Variants in CXXC4 observed in about 807,000 individuals in gnomAD.
CXXC4 encodes the protein CXXC finger protein 4.
In CXXC4, 5 loss-of-function variants were observed where a neutral mutation model predicts 20.5. The observed-to-expected ratio is 0.24, with a 90% CI of 0.13 to 0.51. CXXC4 has a LOEUF of 0.51. Ranked by LOEUF, CXXC4 falls within the 20% of genes least tolerant of loss-of-function variation. CXXC4 has a pLI of 0.97. For synonymous variants in CXXC4, 250 were observed against 216.4 expected (o/e 1.16, Z -1.36); for missense variants, 419 against 496.4 (o/e 0.84, Z 1.48).
intron 2 of CXXC4, among the ~76,000 whole-genome samples, chr4:104,480,647 G>A (rs1736530055): frequency 6.6e-6 from 1 of 151,770 alleles, no homozygotes; most frequent in Non-Finnish European, 1.5e-5. Context: ...AGTGGTTCTA[G>A]TGGATCTAAA....
At chr4:104,486,023 G>A (rs866819330) in intron 2 of CXXC4, among the ~76,000 whole-genome samples, 12 of 151,708 alleles carry the variant, frequency 7.9e-5, no homozygotes, top group South Asian at 6.2e-4. Flanking sequence ...GCTCTTATAT[G>A]CCTTGTGTTT....
intron 2 of CXXC4, among the ~76,000 whole-genome samples, chr4:104,484,282 A>C (rs1736629124): frequency 6.6e-6 from 1 of 151,998 alleles, no homozygotes; most frequent in Non-Finnish European, 1.5e-5. Flanking sequence ...TAAAGTTCAG[A>C]GAAGTTATGC....
Position 104,472,053 on chromosome 4 carries a change from A to G in CXXC4, c.*269T>C. 3.3e-6 allele frequency: 1 copy of G among 302,916 alleles called. No homozygotes were observed. Among genetic ancestry groups the G allele is most frequent in the Non-Finnish European group, 6.0e-6 (1 of 165,900 alleles). 18.8% of individuals were successfully genotyped at this position (302,916 alleles called of 1,614,324 possible). On this transcript the variant is annotated 3_prime_UTR_variant, in exon 3 of 3. Coordinates refer to ENST00000394767, the MANE Select transcript of CXXC4 (RefSeq NM_025212.4). ...TTTACAGCCACTTTCAAAATAGACA[A>G]CAACTTCACTACTATAGCTAAATTA... is the stretch of plus-strand genomic sequence containing the variant.
chr4:104,483,548 A>T (rs1260509486), intron 2 of CXXC4, among the ~76,000 whole-genome samples: 2 of 151,990 alleles, frequency 1.3e-5, no homozygotes, highest in Non-Finnish European at 2.9e-5. Flanking sequence ...CTTTTTAGGT[A>T]AAAATGCATA....
At chr4:104,476,593 G>T (rs899704797) in intron 2 of CXXC4, among the ~76,000 whole-genome samples, 2 of 152,106 alleles carry the variant, frequency 1.3e-5, no homozygotes, top group Non-Finnish European at 2.9e-5. Context: ...TTTTGATGCT[G>T]AAATTCACCT....
intron 2 of CXXC4, among the ~76,000 whole-genome samples, chr4:104,489,778 C>T (rs1265953173): frequency 6.6e-6 from 1 of 152,114 alleles, no homozygotes; most frequent in South Asian, 2.1e-4. Context: ...CTGTATTTAG[C>T]ATAATTCATA....
intron 2 of CXXC4, among the ~76,000 whole-genome samples, chr4:104,480,875 TTCCTTCCA>T (rs1330166768): frequency 1.8e-3 from 243 of 135,666 alleles, no homozygotes; most frequent in African/African-American, 6.3e-3. Flanking sequence ...CCTTCCTTCC[TTCCTTCCA>T]TCCTTTCTTC....
chr4:104,491,379 C>T lies in CXXC4; in HGVS notation c.424G>A (p.Ala142Thr), dbSNP rs552060137. The change falls in exon 2 of 3, where the codon GCC (alanine) becomes ACC (threonine). Residue 142 changes from alanine to threonine, a missense_variant. Transcript: ENST00000394767. Reference protein sequence around the residue: ...GGGRKSSSAAASSSASSSSAI... With the variant: ...GGGRKSSSAATSSSASSSSAI... ...GAGGAGGAGGAGGCGGAGGAGGAGG[C>T]GGCGGCGGAGGAGGATTTCCTGCCG... 3 of 1,353,470 alleles carry T rather than the reference C, an allele frequency of 2.2e-6. No homozygotes were observed. The highest frequency in any genetic ancestry group is 3.1e-5 in the Admixed American group (1 of 31,932). The allele number at this position is 1,353,470 out of a possible 1,614,324, so 83.8% of individuals were successfully genotyped here. A position where few individuals can be genotyped will look rare whatever the true frequency, so the allele number is the denominator to read the frequency against.
rs141905781 is a variant in CXXC4, at chr4:104,491,131, T to C, written c.672A>G (p.Ala224=). 1.9e-6 allele frequency: 3 copies of C among 1,614,088 alleles called. No homozygotes were observed. The highest frequency in any genetic ancestry group is 2.2e-5 in the East Asian group (1 of 44,830). ...CGCGCTCGGGGAGATTCATTATCTC[T>C]GCTTCAGCAGCGCCGCATTTGAGCT... ...MNKLKCGAAE[A]EIMNLPERVG... The change falls in exon 2 of 3, where the codon GCA becomes GCG. Residue 224 remains alanine, a synonymous_variant. Coordinates refer to ENST00000394767, the MANE Select transcript of CXXC4 (RefSeq NM_025212.4).
chr4:104,489,602 C>T (rs1425932782), intron 2 of CXXC4, among the ~76,000 whole-genome samples: 1 of 152,174 alleles, frequency 6.6e-6, no homozygotes, highest in Admixed American at 6.5e-5. Context: ...TATATATGAA[C>T]ATCTAATTAT....
chr4:104,473,419 G>A (rs1322327411), intron 2 of CXXC4, among the ~76,000 whole-genome samples: 1 of 151,802 alleles, frequency 6.6e-6, no homozygotes, highest in Non-Finnish European at 1.5e-5. Flanking sequence ...AAAGCTTATA[G>A]TTACTATGAG....
intron 2 of CXXC4, among the ~76,000 whole-genome samples, chr4:104,476,888 T>C (rs1736421672): frequency 6.6e-6 from 1 of 152,170 alleles, no homozygotes; most frequent in Non-Finnish European, 1.5e-5. Context: ...ATGATTCCCA[T>C]ATAATCGTGA....
chr4:104,478,490 T>C (rs934125611), intron 2 of CXXC4, among the ~76,000 whole-genome samples: 1 of 152,134 alleles, frequency 6.6e-6, no homozygotes, highest in Non-Finnish European at 1.5e-5. Flanking sequence ...CCAAAAAATG[T>C]ACCCATTTTG....
chr4:104,491,566 C>CGCGGCG lies in CXXC4; in HGVS notation c.231_236dup (p.Ala81_Ala82dup), dbSNP rs765810663. On this transcript the variant is annotated inframe_insertion, in exon 2 of 3. Coordinates refer to ENST00000394767, the MANE Select transcript of CXXC4 (RefSeq NM_025212.4). ...GGGACATGCCGATGCGCGCGGCGGC[C>CGCGGCG]GCGGCGGCGGCGGCGCTGCTGGGGA... is the stretch of plus-strand genomic sequence containing the variant. The CGCGGCG allele has an allele frequency of 8.0e-6, 12 of 1,508,936 alleles. No individual in the cohort carries two copies. In the South Asian group the frequency reaches 1.1e-4, roughly 14 times the overall value. 93.5% of individuals were successfully genotyped at this position (1,508,936 alleles called of 1,614,324 possible). A position where few individuals can be genotyped will look rare whatever the true frequency, so the allele number is the denominator to read the frequency against.
chr4:104,491,398 C>A lies in CXXC4; in HGVS notation c.405G>T (p.Arg135Ser). The A allele has an allele frequency of 1.7e-6, 2 of 1,196,016 alleles. No homozygotes were observed. The highest frequency in any genetic ancestry group is 3.1e-5 in the South Asian group (1 of 32,494). The allele number at this position is 1,196,016 out of a possible 1,614,324, so 74.1% of individuals were successfully genotyped here. The change falls in exon 2 of 3, where the codon AGG becomes AGT. Residue 135 changes from arginine (R) to serine (S), a missense_variant. Around this residue, in one of 3 missense-constraint regions of CXXC4, gnomAD observed 388 missense variants for 416.0 expected, o/e 0.93. Transcript: ENST00000394767. ...AGGAGGCGGCGGCGGAGGAGGATTTCCTGCCGCCCCCACCACCCCCGCCCC... is the reference window on the plus strand; with the variant it reads ...AGGAGGCGGCGGCGGAGGAGGATTTACTGCCGCCCCCACCACCCCCGCCCC... ...GGGGGGGGGG[R>S]KSSSAAASSS...
intron 1 of CXXC4, among the ~76,000 whole-genome samples, chr4:104,493,767 G>A (rs1378167348): frequency 6.6e-6 from 1 of 152,208 alleles, no homozygotes; most frequent in Non-Finnish European, 1.5e-5. Context: ...ATGCTTGGAA[G>A]GGGTGAGGGA....
At chr4:104,486,493 T>C (rs1736698460) in intron 2 of CXXC4, among the ~76,000 whole-genome samples, 1 of 152,096 alleles carries the variant, frequency 6.6e-6, no homozygotes, top group African/African-American at 2.4e-5. Context: ...ATTCTAATGT[T>C]AATATACTAT....
intron 1 of CXXC4, 70 bp downstream of exon 1, chr4:104,494,631 C>T (rs933105000): frequency 1.5e-5 from 2 of 132,506 alleles, no homozygotes; most frequent in East Asian, 4.8e-4. Context: ...CTCCCAATTA[C>T]AACTTTAATA....
intron 2 of CXXC4, among the ~76,000 whole-genome samples, chr4:104,486,421 C>T (rs1736696511): frequency 6.6e-6 from 1 of 151,976 alleles, no homozygotes; most frequent in African/African-American, 2.4e-5. Context: ...TAAAATTTTC[C>T]AAGCTTTTTC....
Sources: allele counts gnomAD v4.1 joint callset (sites outside exome capture counted in the v4.1 genomes callset), GRCh38; gene constraint gnomAD v4.1.1; regional missense constraint gnomAD v4.1.1; transcripts MANE v1.5; gene names NCBI Gene and HGNC (gene_info 2026-07-23, HGNC 2026-07-21).